Variants in ERC1 observed in about 807,000 individuals in gnomAD.
ERC1 encodes the protein RAB6 interacting protein 2.
In ERC1, 56 loss-of-function variants were observed where a neutral mutation model predicts 132.0. The observed-to-expected ratio is 0.42, with a 90% CI of 0.34 to 0.53. ERC1 has a LOEUF of 0.53. Ranked by LOEUF, ERC1 falls within the 20% of genes least tolerant of loss-of-function variation. The pLI is 0.03. For missense variants in ERC1, 1,202 were observed against 1,349.9 expected (o/e 0.89, Z 1.72); for synonymous variants, 478 against 476.1 (o/e 1.00, Z -0.05).
At chr12:1,346,315 A>G (rs942376974) in intron 15 of ERC1, among the ~76,000 whole-genome samples, 2 of 152,168 alleles carry the variant, frequency 1.3e-5, no homozygotes, top group Non-Finnish European at 2.9e-5. Flanking sequence ...TGAGGTTGCC[A>G]TAGTTAAATG....
chr12:1,358,405 C>G (rs759557497), intron 15 of ERC1, among the ~76,000 whole-genome samples: 23 of 152,058 alleles, frequency 1.5e-4, no homozygotes, highest in Admixed American at 3.9e-4. Flanking sequence ...TTGAAAGATT[C>G]TTTTTATATA....
intron 7 of ERC1, among the ~76,000 whole-genome samples, chr12:1,132,112 C>T (rs760717191): frequency 6.6e-5 from 10 of 152,106 alleles, no homozygotes; most frequent in Admixed American, 1.3e-4. Context: ...CACTCCAAAC[C>T]AAAAGATCAG....
In ERC1 at chr12:1,057,689, G is replaced by A. The variant is rs375688624; in HGVS notation, c.670-25475G>A. On this transcript the variant is annotated intron_variant, in intron 2 of 18. Coordinates refer to ENST00000360905, the MANE Select transcript of ERC1 (RefSeq NM_178040.4). ...CGGCTCACTGCAACCTCTGCTTCCC[G>A]GGTTCAAGCGATTCCCCTGCCTCAG... Among the ~76,000 whole-genome samples, 35 of 149,170 alleles carry A rather than the reference G, an allele frequency of 2.3e-4. No individual in the cohort carries two copies. The South Asian group carries it at 4.1e-3, about 17-fold the overall frequency.
chr12:1,109,317 C>T (rs1025729751), intron 4 of ERC1, among the ~76,000 whole-genome samples: 2 of 152,194 alleles, frequency 1.3e-5, no homozygotes, highest in Admixed American at 1.3e-4. Context: ...GTATGAAGTA[C>T]AGACAATAAG....
At chr12:1,293,502 G>A (rs1161189718) in intron 15 of ERC1, among the ~76,000 whole-genome samples, 1 of 119,728 alleles carries the variant, frequency 8.4e-6, no homozygotes, top group Admixed American at 8.1e-5. Flanking sequence ...GGTGGCGTGC[G>A]CCTGTAATCC....
At chr12:1,096,102 G>A (rs11061630) in intron 3 of ERC1, among the ~76,000 whole-genome samples, 32,430 of 151,902 alleles carry the variant, frequency 0.21, 4,281 homozygotes, top group Middle Eastern at 0.39. Flanking sequence ...AGTTTTATGT[G>A]TTTTTCATAG....
intron 1 of ERC1, among the ~76,000 whole-genome samples, chr12:999,457 G>A (rs560516098): frequency 2.8e-4 from 42 of 152,148 alleles, no homozygotes; most frequent in African/African-American, 9.6e-4. Flanking sequence ...GGAAATGTGT[G>A]TGGTGTTCTT....
At chr12:1,351,403 G>A (rs1174913085) in intron 15 of ERC1, among the ~76,000 whole-genome samples, 1 of 152,206 alleles carries the variant, frequency 6.6e-6, no homozygotes, top group East Asian at 1.9e-4. Context: ...CCAAAGTGCT[G>A]TACCATTTTG....
intron 16 of ERC1, among the ~76,000 whole-genome samples, chr12:1,403,107 CAACT>C (rs2091211442): frequency 6.6e-6 from 1 of 152,162 alleles, no homozygotes; most frequent in Non-Finnish European, 1.5e-5. Context: ...ACAGAATAGA[CAACT>C]AACTCCTTTT....
intron 2 of ERC1, among the ~76,000 whole-genome samples, chr12:1,029,144 G>A (rs1267384188): frequency 2.6e-5 from 4 of 152,118 alleles, no homozygotes; most frequent in Non-Finnish European, 5.9e-5. Context: ...ATTGAGGTCA[G>A]GAGTTCGAGA....
At chr12:1,276,305 C>T (rs990571709) in intron 14 of ERC1, among the ~76,000 whole-genome samples, 13 of 150,586 alleles carry the variant, frequency 8.6e-5, no homozygotes, top group East Asian at 2.0e-4. Context: ...GGCGTGATCT[C>T]GGCTCACTGC....
chr12:1,038,691 A>G (rs1488877002), intron 2 of ERC1, among the ~76,000 whole-genome samples: 1 of 152,194 alleles, frequency 6.6e-6, no homozygotes, highest in East Asian at 1.9e-4. Context: ...CTCAATGAAG[A>G]TTTTGAAGAA....
intron 17 of ERC1, among the ~76,000 whole-genome samples, chr12:1,441,492 C>G (rs79591254): frequency 0.023 from 3,481 of 152,230 alleles, 128 homozygotes; most frequent in African/African-American, 0.08. Flanking sequence ...TCAATATGAC[C>G]ATTTATCACA....
At chr12:1,180,463 A>ATTTG in intron 8 of ERC1, 77 bp from the exon 9 acceptor site, 2 of 1,378,362 alleles carry the variant, frequency 1.5e-6, no homozygotes, top group South Asian at 2.5e-5. Context: ...CTGTTTTCAA[A>ATTTG]TTGAAATGAT....
At chr12:1,222,525 A>G (rs1365617135) in intron 12 of ERC1, among the ~76,000 whole-genome samples, 1 of 152,142 alleles carries the variant, frequency 6.6e-6, no homozygotes, top group African/African-American at 2.4e-5. Flanking sequence ...CATATTCTCT[A>G]TATGTAACAT....
intron 15 of ERC1, among the ~76,000 whole-genome samples, chr12:1,294,734 T>A (rs183686409): frequency 6.6e-6 from 1 of 152,334 alleles, no homozygotes; most frequent in African/African-American, 2.4e-5. Flanking sequence ...CTAATTGCAA[T>A]ACCCAGTTGA....
At chr12:1,301,504 T>C (rs959742962) in intron 15 of ERC1, among the ~76,000 whole-genome samples, 4 of 152,128 alleles carry the variant, frequency 2.6e-5, no homozygotes, top group Non-Finnish European at 4.4e-5. Flanking sequence ...AACAGGATCA[T>C]GTCTTTTATA....
intron 15 of ERC1, among the ~76,000 whole-genome samples, chr12:1,316,141 C>G (rs1301492346): frequency 6.6e-6 from 1 of 152,220 alleles, no homozygotes; most frequent in African/African-American, 2.4e-5. Flanking sequence ...CCCGCCTCGG[C>G]CTCCCAAAGT....
At chr12:1,276,230 TTTTTCTTTTTC>T (rs1159372835) in intron 14 of ERC1, among the ~76,000 whole-genome samples, 59 of 90,068 alleles carry the variant, frequency 6.6e-4, no homozygotes, top group Non-Finnish European at 1.2e-3. Flanking sequence ...TTTGTTTTTC[TTTTTCTTTTTC>T]TTTTTTTTTT....
Sources: gnomAD v4.1 joint callset for allele counts (sites outside exome capture counted in the v4.1 genomes callset) on GRCh38, gnomAD v4.1.1 for gene constraint, MANE v1.5 for transcripts, NCBI Gene and HGNC (gene_info 2026-07-23, HGNC 2026-07-21) for gene names.